DIP2C: variants seen among roughly 807,000 people sequenced by gnomAD.
DIP2C encodes disco-interacting protein 2 homolog C.
In DIP2C, 33 loss-of-function variants were observed where a neutral mutation model predicts 192.4. The ratio of observed to expected loss-of-function variants is 0.17; its 90% CI spans 0.13 to 0.23. The LOEUF is 0.23. Ranked by LOEUF, DIP2C falls within the 10% of genes least tolerant of loss-of-function variation. The pLI is 1.00. For synonymous variants in DIP2C, 979 were observed against 864.1 expected (o/e 1.13, Z -2.33); for missense variants, 1,537 against 2,110.1 (o/e 0.73, Z 5.32).
intron 7 of DIP2C, among the ~76,000 whole-genome samples, chr10:415,436 T>A (rs1965563049): frequency 6.6e-6 from 1 of 152,214 alleles, no homozygotes; most frequent in Non-Finnish European, 1.5e-5. Flanking sequence ...CCAGTTTTGC[T>A]GCCAGCGAAG....
chr10:411,528 G>C (rs1965185437), intron 8 of DIP2C, among the ~76,000 whole-genome samples: 1 of 152,168 alleles, frequency 6.6e-6, no homozygotes, highest in African/African-American at 2.4e-5. Context: ...AGCTAAATTT[G>C]GGGGTTGAGG....
At chr10:669,521 A>G (rs1470066792) in intron 1 of DIP2C, 2 of 152,266 alleles carry the variant, frequency 1.3e-5, no homozygotes, top group East Asian at 3.8e-4. Context: ...AAATAACATT[A>G]ATTCACAATG....
chr10:414,753 A>G (rs1965477390), intron 7 of DIP2C, among the ~76,000 whole-genome samples: 6 of 134,952 alleles, frequency 4.4e-5, no homozygotes, highest in African/African-American at 1.4e-4. Context: ...ATATATATAT[A>G]TATAATGTGT....
At chr10:493,336 G>A (rs72774525) in intron 1 of DIP2C, among the ~76,000 whole-genome samples, 3,983 of 152,342 alleles carry the variant, frequency 0.026, 73 homozygotes, top group Middle Eastern at 0.065. Flanking sequence ...AGACTATGCC[G>A]TATTAAACAC....
chr10:614,855 A>G (rs1201249256), intron 1 of DIP2C, among the ~76,000 whole-genome samples: 1 of 152,210 alleles, frequency 6.6e-6, no homozygotes, highest in Non-Finnish European at 1.5e-5. Context: ...ACGTCATCAT[A>G]AGGAAAAGCA....
chr10:300,565 C>T (rs1001117261), intron 32 of DIP2C, among the ~76,000 whole-genome samples: 1 of 151,282 alleles, frequency 6.6e-6, no homozygotes, highest in African/African-American at 2.4e-5. Context: ...AGCAGCCCTG[C>T]GTGTGTGGAG....
intron 1 of DIP2C, among the ~76,000 whole-genome samples, chr10:536,579 A>AC (rs1361711106): frequency 3.3e-5 from 5 of 152,222 alleles, no homozygotes; most frequent in African/African-American, 1.2e-4. Flanking sequence ...TAGGACTGGG[A>AC]CATAAGTTTG....
intron 1 of DIP2C, among the ~76,000 whole-genome samples, chr10:603,803 G>GGGCTGAAGTCAAGGGGTCAGTA (rs1369654307): frequency 1.3e-5 from 2 of 152,180 alleles, no homozygotes; most frequent in Non-Finnish European, 2.9e-5. Context: ...AGGAGTCCCA[G>GGGCTGAAGTCAAGGGGTCAGTA]GGCTGAAGTC....
In DIP2C at chr10:509,781, G is replaced by A. The variant is rs144909076; in HGVS notation, c.86-23251C>T. Reference sequence around the variant, plus strand: ...AGCAGCTTGGAGAGGACGGGGCGCCGCAGTCTCCTCCCAGCCCACGCTTCG... The same window carrying A: ...AGCAGCTTGGAGAGGACGGGGCGCCACAGTCTCCTCCCAGCCCACGCTTCG... On this transcript the variant is annotated intron_variant, in intron 1 of 36. Coordinates refer to ENST00000280886, the MANE Select transcript of DIP2C (RefSeq NM_014974.3). Among the ~76,000 whole-genome samples, 227 of 152,118 alleles carry A rather than the reference G, an allele frequency of 1.5e-3. 3 individuals are homozygous for A. The South Asian group carries it at 0.02, about 13-fold the overall frequency.
At chr10:388,431 AGCAGCTGCCT>A (rs1963164502) in intron 13 of DIP2C, among the ~76,000 whole-genome samples, 1 of 152,230 alleles carries the variant, frequency 6.6e-6, no homozygotes, top group African/African-American at 2.4e-5. Context: ...AGCCAAGGTC[AGCAGCTGCCT>A]GCAGGTGACT....
chr10:318,030 G>C (rs974957380), intron 31 of DIP2C, among the ~76,000 whole-genome samples: 19 of 152,272 alleles, frequency 1.2e-4, no homozygotes, highest in African/African-American at 4.6e-4. Flanking sequence ...TCTCCCCTTT[G>C]CATGAAGGGC....
At chr10:654,915 A>G (rs1856187374) in intron 1 of DIP2C, among the ~76,000 whole-genome samples, 1 of 152,182 alleles carries the variant, frequency 6.6e-6, no homozygotes, top group African/African-American at 2.4e-5. Context: ...ACACTATATA[A>G]TACTGTACTA....
At chr10:497,478 A>G (rs1486335344) in intron 1 of DIP2C, among the ~76,000 whole-genome samples, 1 of 152,182 alleles carries the variant, frequency 6.6e-6, no homozygotes, top group Admixed American at 6.5e-5. Flanking sequence ...TGTCTTCATC[A>G]GCAATGGGGC....
At chr10:319,947 C>T (rs889691642) in intron 31 of DIP2C, among the ~76,000 whole-genome samples, 49 of 152,174 alleles carry the variant, frequency 3.2e-4, no homozygotes, top group African/African-American at 1.1e-3. Flanking sequence ...TCCAATGGTC[C>T]AATGCAATGA....
chr10:554,669 G>GTCC (rs900199749), intron 1 of DIP2C, among the ~76,000 whole-genome samples: 14 of 152,220 alleles, frequency 9.2e-5, no homozygotes, highest in African/African-American at 4.8e-5. Context: ...CTGCCGTGGA[G>GTCC]TCCTAGAACT....
intron 1 of DIP2C, among the ~76,000 whole-genome samples, chr10:610,331 A>G (rs1265845794): frequency 6.6e-6 from 1 of 152,192 alleles, no homozygotes; most frequent in Non-Finnish European, 1.5e-5. Flanking sequence ...AGAGGCTGGT[A>G]AGGGGCACAA....
chr10:568,105 C>CCA (rs1221292748), intron 1 of DIP2C, among the ~76,000 whole-genome samples: 1 of 152,182 alleles, frequency 6.6e-6, no homozygotes, highest in African/African-American at 2.4e-5. Context: ...CCCTGGAGCT[C>CCA]CACTCAGCCT....
At chr10:579,698 TAC>T (rs904626830) in intron 1 of DIP2C, among the ~76,000 whole-genome samples, 9 of 152,082 alleles carry the variant, frequency 5.9e-5, no homozygotes, top group African/African-American at 1.7e-4. Flanking sequence ...AACATGTATG[TAC>T]ACATAGTGTA....
intron 4 of DIP2C, among the ~76,000 whole-genome samples, chr10:426,341 G>C (rs1966598201): frequency 6.6e-6 from 1 of 152,158 alleles, no homozygotes; most frequent in Non-Finnish European, 1.5e-5. Context: ...AATTAAAGGA[G>C]ATCCAAATAA....
Sources: allele counts gnomAD v4.1 joint callset (sites outside exome capture counted in the v4.1 genomes callset), GRCh38; gene constraint gnomAD v4.1.1; transcripts MANE v1.5; gene names NCBI Gene and HGNC (gene_info 2026-07-23, HGNC 2026-07-21).